Variants in GLB1L2 observed in about 807,000 individuals in gnomAD.
GLB1L2 encodes the protein galactosidase beta 1 like 2.
In GLB1L2, 68 loss-of-function variants were observed where a neutral mutation model predicts 84.1. The ratio of observed to expected loss-of-function variants is 0.81; its 90% CI spans 0.67 to 0.99. The LOEUF (loss-of-function observed/expected upper bound fraction) is 0.99, where lower values mean the gene tolerates loss of function less well. GLB1L2 is among the 50% of genes least tolerant of loss of function. GLB1L2 has a pLI of 0.00. For missense variants in GLB1L2, 762 were observed against 805.6 expected (o/e 0.95, Z 0.66); for synonymous variants, 290 against 318.0 (o/e 0.91, Z 0.94).
chr11:134,368,157 C>T (rs546036961), intron 9 of GLB1L2, among the ~76,000 whole-genome samples: 3 of 152,310 alleles, frequency 2.0e-5, no homozygotes, highest in African/African-American at 7.2e-5. Flanking sequence ...GTCTGCATTT[C>T]TTTGATTTAT....
chr11:134,347,506 T>G (rs931268710), intron 5 of GLB1L2, 73 bp downstream of exon 5: 9 of 1,047,836 alleles, frequency 8.6e-6, no homozygotes, highest in Non-Finnish European at 7.5e-6. Context: ...TGGTTAGTTC[T>G]CAGACCAAGG....
intron 1 of GLB1L2, among the ~76,000 whole-genome samples, chr11:134,335,945 A>G (rs972857566): frequency 3.9e-5 from 6 of 152,106 alleles, no homozygotes; most frequent in Non-Finnish European, 5.9e-5. Context: ...TTTGGTGTCA[A>G]TGTTGGGATA....
At chr11:134,368,170 T>G (rs1943891165) in intron 9 of GLB1L2, among the ~76,000 whole-genome samples, 1 of 152,278 alleles carries the variant, frequency 6.6e-6, no homozygotes, top group African/African-American at 2.4e-5. Context: ...TGATTTATAT[T>G]GATAAAATAT....
At chr11:134,347,214 A>G (rs1292138790) in intron 4 of GLB1L2, 111 bp from the exon 5 acceptor site, 8 of 812,934 alleles carry the variant, frequency 9.8e-6, no homozygotes, top group Admixed American at 1.7e-5. Flanking sequence ...AGGAGGGCAC[A>G]GGTCATTCTG....
chr11:134,374,713 A>T lies in GLB1L2; in HGVS notation c.1819A>T (p.Asn607Tyr). 1.2e-6 allele frequency: 2 copies of T among 1,611,624 alleles called. No individual in the cohort carries two copies. The highest frequency in any genetic ancestry group is 1.7e-6 in the Non-Finnish European group (2 of 1,177,880). Residue 607 changes from asparagine to tyrosine, a missense_variant, in exon 18 of 19, where the codon AAC becomes TAC. Transcript: ENST00000535456. ...AGGTCCCTGGTTGAGCAGCGGAATC[A>T]ACCAGGTGGGAGCTTCCAGCCCCTT... The part of the protein sequence containing the change: ...LPGPWLSSGI[N>Y]QVIVFEETMA...
At chr11:134,371,995 C>G (rs1461884280) in intron 15 of GLB1L2, among the ~76,000 whole-genome samples, 165 bp downstream of exon 15, 1 of 152,188 alleles carries the variant, frequency 6.6e-6, no homozygotes, top group African/African-American at 2.4e-5. Flanking sequence ...AGAGAAACTC[C>G]GCTGGGCTGT....
rs746538702 is a variant in GLB1L2, at chr11:134,374,665, C to T, written c.1771C>T (p.Pro591Ser). Residue 591 changes from proline (P) to serine (S), a missense_variant, in exon 18 of 19, where the codon CCC becomes TCC. Transcript: ENST00000535456. ...CCTTGGACGTTACTGGAACATTGGACCCCAGAAGACGCTTTACCTCCCAGG... is the reference window on the plus strand; with the variant it reads ...CCTTGGACGTTACTGGAACATTGGATCCCAGAAGACGCTTTACCTCCCAGG... ...QNLGRYWNIG[P>S]QKTLYLPGPW... 3.1e-6 allele frequency: 5 copies of T among 1,614,050 alleles called. No homozygotes were observed. The highest frequency in any genetic ancestry group is 1.3e-5 in the African/African-American group (1 of 75,038).
rs956450217 is a variant in GLB1L2 at position 134,338,153 on chromosome 11, C to G, written c.87-4601C>G. On this transcript the variant is annotated intron_variant, in intron 1 of 18. Transcript: ENST00000535456. The surrounding 1 kb of genome is among the most constrained non-coding windows in gnomAD (Gnocchi z 6.2). ...GGCACTCCGGATGTTCTGCTGTGCC[C>G]GGTTGCATGGATCCTGGCCTATCTG... Among the ~76,000 whole-genome samples the G allele has an allele frequency of 6.6e-6, 1 of 152,138 alleles. No homozygotes were observed. The highest frequency in any genetic ancestry group is 2.4e-5 in the African/African-American group (1 of 41,438).
In GLB1L2 at chr11:134,347,317, A is replaced by T. The variant is rs778640888; in HGVS notation, c.450-8A>T. On this transcript the variant is annotated splice_region_variant and splice_polypyrimidine_tract_variant and intron_variant, in intron 4 of 18. Coordinates refer to ENST00000535456, the MANE Select transcript of GLB1L2 (RefSeq NM_001370461.1). ...AACATCCTTCCTTTCCCCCGTTTAC[A>T]CTTCAAGCTGGCTACTCCAAGACCC... 1.9e-6 allele frequency: 3 copies of T among 1,608,246 alleles called. No homozygotes were observed. Among genetic ancestry groups the T allele is most frequent in the Non-Finnish European group, 2.6e-6 (3 of 1,174,696 alleles).
chr11:134,341,211 T>C (rs539710141), intron 1 of GLB1L2, among the ~76,000 whole-genome samples: 2 of 152,294 alleles, frequency 1.3e-5, no homozygotes, highest in African/African-American at 4.8e-5. Flanking sequence ...CGCAAACACA[T>C]GCTACAATAA....
chr11:134,371,029 A>G lies in GLB1L2; in HGVS notation c.1237A>G (p.Ile413Val). ...LGEPIKSEKP[I>V]NMENLPVNGG... ...GCAGCCAATCAAGTCTGAAAAGCCC[A>G]TCAACATGGAGAACCTGCCAGTCAA... is the stretch of plus-strand genomic sequence containing the variant. The change falls in exon 13 of 19, where the codon ATC (isoleucine) becomes GTC (valine). Residue 413 changes from isoleucine (I) to valine (V), a missense_variant. Physicochemically the swap from Ile to Val is conservative, Grantham distance 29. This residue lies in a region of GLB1L2 where 603 missense variants were observed against 611.7 expected (regional missense o/e 0.99). Transcript: ENST00000535456. 6.2e-7 allele frequency: 1 copy of G among 1,614,054 alleles called. No homozygotes were observed. Among genetic ancestry groups the G allele is most frequent in the Non-Finnish European group, 8.5e-7 (1 of 1,179,996 alleles).
At position 134,334,324 on chromosome 11, in the gene GLB1L2, G is replaced by A. The variant is rs2136252691; in HGVS notation, c.86+2177G>A. ...GCTGGCATGGGCTGGGGGATGTTTG[G>A]CTATAGCTTTTCTTTTTTTTCATCA... is the stretch of plus-strand genomic sequence containing the variant. On this transcript the variant is annotated intron_variant, in intron 1 of 18. Coordinates refer to ENST00000535456, the MANE Select transcript of GLB1L2 (RefSeq NM_001370461.1). This position sits in a 1 kb window ranked among gnomAD's most constrained non-coding sequence, Gnocchi z 4.1. Among the ~76,000 whole-genome samples, 1 of 152,260 alleles carries A rather than the reference G, an allele frequency of 6.6e-6. No individual in the cohort carries two copies. Among genetic ancestry groups the A allele is most frequent in the South Asian group, 2.1e-4 (1 of 4,824 alleles).
At chr11:134,352,192 A>G (rs1407154818) in intron 5 of GLB1L2, among the ~76,000 whole-genome samples, 2 of 152,082 alleles carry the variant, frequency 1.3e-5, no homozygotes, top group Non-Finnish European at 2.9e-5. Context: ...ATTTCTAGGA[A>G]TTTGTGTGTT....
At position 134,370,904 on chromosome 11, in the gene GLB1L2, C is replaced by A. The variant is rs1943943702; in HGVS notation, c.1216-104C>A. On this transcript the variant is annotated intron_variant, in intron 12 of 18. Transcript: ENST00000535456. The surrounding 1 kb of genome is among the most constrained non-coding windows in gnomAD (Gnocchi z 4.7). ...ATGAGAAGTCAAAGTAGAAAACACCCACCAAACCTCCGCTTCCACCCCATG... is the reference window on the plus strand; with the variant it reads ...ATGAGAAGTCAAAGTAGAAAACACCAACCAAACCTCCGCTTCCACCCCATG... 2.4e-5 allele frequency: 31 copies of A among 1,311,614 alleles called. No individual in the cohort carries two copies. Among genetic ancestry groups the A allele is most frequent in the Non-Finnish European group, 3.2e-5 (30 of 937,714 alleles). 81.2% of individuals were successfully genotyped at this position (1,311,614 alleles called of 1,614,324 possible).
chr11:134,345,952 C>T (rs1246884785), intron 4 of GLB1L2, among the ~76,000 whole-genome samples: 1 of 152,148 alleles, frequency 6.6e-6, no homozygotes, highest in Non-Finnish European at 1.5e-5. Context: ...GAAATCTGGA[C>T]AGGAATCAGC....
At chr11:134,371,652 C>T (rs1347349272) in intron 14 of GLB1L2, 100 bp from the exon 15 acceptor site, 3 of 1,230,254 alleles carry the variant, frequency 2.4e-6, no homozygotes, top group Non-Finnish European at 3.6e-6. Context: ...GATGTACACT[C>T]CCATCCCCAG....
chr11:134,358,454 C>T (rs374110648), intron 6 of GLB1L2, among the ~76,000 whole-genome samples: 1 of 152,264 alleles, frequency 6.6e-6, no homozygotes, highest in African/African-American at 2.4e-5. Flanking sequence ...TGGTGATTGT[C>T]GTCACTGCCC....
intron 9 of GLB1L2, among the ~76,000 whole-genome samples, chr11:134,367,974 C>T (rs1488741772): frequency 1.3e-5 from 2 of 152,298 alleles, no homozygotes; most frequent in South Asian, 2.1e-4. Flanking sequence ...CTGGGATGAG[C>T]GGCACAGGGG....
chr11:134,364,381 T>C lies in GLB1L2; in HGVS notation c.787T>C (p.Phe263Leu), dbSNP rs1943837575. 2.5e-6 allele frequency: 4 copies of C among 1,613,902 alleles called. No homozygotes were observed. The highest frequency in any genetic ancestry group is 3.4e-6 in the Non-Finnish European group (4 of 1,179,798). ...ACACGAGCTGCAGCTACTGACCACC[T>C]TTCTCTTCAACGTCCAGGTAAGTCC... ...STHELQLLTT[F>L]LFNVQGTQPK... The change falls in exon 8 of 19, where the codon TTT becomes CTT. Residue 263 changes from phenylalanine to leucine, a missense_variant. Transcript: ENST00000535456.
Sources: gnomAD v4.1 joint callset for allele counts (sites outside exome capture counted in the v4.1 genomes callset) on GRCh38, gnomAD v4.1.1 for gene constraint, gnomAD v4.1.1 regional missense constraint, Gnocchi (gnomAD v3.1) non-coding constraint, MANE v1.5 for transcripts, NCBI Gene and HGNC (gene_info 2026-07-23, HGNC 2026-07-21) for gene names.